BAALC: variants seen among roughly 807,000 people sequenced by gnomAD.
BAALC encodes the protein BAALC binder of MAP3K1 and KLF4, also known as brain and acute leukemia cytoplasmic protein.
In BAALC, 9 loss-of-function variants were observed where a neutral mutation model predicts 15.5. That is an observed-to-expected ratio of 0.58 (90% CI 0.35 to 1.02). The LOEUF (loss-of-function observed/expected upper bound fraction) is 1.02, where lower values mean the gene tolerates loss of function less well. Ranked by LOEUF, BAALC falls within the 50% of genes least tolerant of loss-of-function variation. The pLI, the probability that BAALC is intolerant of heterozygous loss-of-function variation, is 0.02. For synonymous variants in BAALC, 80 were observed against 74.6 expected (o/e 1.07, Z -0.37); for missense variants, 201 against 192.4 (o/e 1.04, Z -0.27).
chr8:103,174,686 A>G (rs1417248255), intron 1 of BAALC, among the ~76,000 whole-genome samples: 2 of 152,210 alleles, frequency 1.3e-5, no homozygotes, highest in East Asian at 3.8e-4. Context: ...GCCATGCTTC[A>G]TGGTTCGATA....
At chr8:103,193,227 A>G (rs1043942137) in intron 1 of BAALC, among the ~76,000 whole-genome samples, 1 of 152,256 alleles carries the variant, frequency 6.6e-6, no homozygotes, top group Non-Finnish European at 1.5e-5. Context: ...ATATGCATGC[A>G]GTAAACAGAC....
intron 1 of BAALC, among the ~76,000 whole-genome samples, chr8:103,146,291 A>G (rs572212581): frequency 6.6e-6 from 1 of 152,300 alleles, no homozygotes; most frequent in East Asian, 1.9e-4. Flanking sequence ...CTGGAGAGGA[A>G]CAGGAGTGCA....
intron 1 of BAALC, among the ~76,000 whole-genome samples, chr8:103,149,558 A>C (rs186130374): frequency 6.6e-6 from 1 of 152,310 alleles, no homozygotes; most frequent in Non-Finnish European, 1.5e-5. Flanking sequence ...ACGATGCTGT[A>C]TTTGCATCTT....
chr8:103,162,446 T>C (rs995603030), intron 1 of BAALC, among the ~76,000 whole-genome samples: 6 of 152,182 alleles, frequency 3.9e-5, no homozygotes, highest in African/African-American at 1.4e-4. Context: ...GTTGGGCATC[T>C]CTCTCGGTAC....
At chr8:103,187,912 G>T (rs923245186) in intron 1 of BAALC, among the ~76,000 whole-genome samples, 2 of 152,176 alleles carry the variant, frequency 1.3e-5, no homozygotes, top group Non-Finnish European at 2.9e-5. Context: ...TGTCCAAGGA[G>T]TGCTGAACTT....
chr8:103,144,646 C>T (rs10113728), intron 1 of BAALC, among the ~76,000 whole-genome samples: 24,793 of 152,120 alleles, frequency 0.16, 2,195 homozygotes, highest in Middle Eastern at 0.25. Flanking sequence ...CCAAAAATTG[C>T]ATCCTTAAGC....
At chr8:103,175,192 G>A (rs1410276375) in intron 1 of BAALC, among the ~76,000 whole-genome samples, 1 of 152,148 alleles carries the variant, frequency 6.6e-6, no homozygotes, top group African/African-American at 2.4e-5. Context: ...AAGCACCAGA[G>A]ACCTCATCTC....
chr8:103,211,695 G>A (rs1336854143), intron 1 of BAALC, among the ~76,000 whole-genome samples: 1 of 152,188 alleles, frequency 6.6e-6, no homozygotes, highest in Non-Finnish European at 1.5e-5. Context: ...GCCACTTGGA[G>A]AGCAGGGATG....
Position 103,180,746 on chromosome 8 carries a change from G to A in BAALC, c.161-32173G>A, listed in dbSNP as rs1193756506. ...GCCTTCCTTGGGGAAACCCTTTCAGGCAAGGAGGAGAACAAGTTGAGATGT... is the reference window on the plus strand; with the variant it reads ...GCCTTCCTTGGGGAAACCCTTTCAGACAAGGAGGAGAACAAGTTGAGATGT... On this transcript the variant is annotated intron_variant, in intron 1 of 2. Transcript: ENST00000309982. Among the ~76,000 whole-genome samples the A allele has an allele frequency of 4.6e-5, 7 of 152,180 alleles. No individual in the cohort carries two copies. In the East Asian group the frequency reaches 1.4e-3, roughly 29 times the overall value.
intron 2 of BAALC, among the ~76,000 whole-genome samples, chr8:103,215,892 C>A (rs972194467): frequency 6.6e-6 from 1 of 152,240 alleles, no homozygotes; most frequent in African/African-American, 2.4e-5. Context: ...TAAGGTGGCA[C>A]ATCCATGTAA....
At chr8:103,168,438 G>A (rs1811397838) in intron 1 of BAALC, among the ~76,000 whole-genome samples, 1 of 151,734 alleles carries the variant, frequency 6.6e-6, no homozygotes, top group Non-Finnish European at 1.5e-5. Flanking sequence ...ACTTTTCGCA[G>A]CTAAACCAGA....
intron 1 of BAALC, among the ~76,000 whole-genome samples, chr8:103,142,135 T>C (rs943649846): frequency 6.6e-6 from 1 of 152,262 alleles, no homozygotes; most frequent in Non-Finnish European, 1.5e-5. Context: ...ATTTGAAGCA[T>C]AATGTATAAC....
intron 1 of BAALC, among the ~76,000 whole-genome samples, chr8:103,186,978 C>A (rs1811852730): frequency 6.6e-6 from 1 of 152,198 alleles, no homozygotes; most frequent in African/African-American, 2.4e-5. Context: ...CTCTCAGGAC[C>A]TTAGCCCTTT....
intron 2 of BAALC, among the ~76,000 whole-genome samples, chr8:103,220,947 A>T (rs1157071397): frequency 1.3e-5 from 2 of 152,242 alleles, no homozygotes; most frequent in African/African-American, 4.8e-5. Flanking sequence ...ATCCCATGTT[A>T]GGTACAGATA....
At chr8:103,148,104 G>A (rs1810913890) in intron 1 of BAALC, among the ~76,000 whole-genome samples, 1 of 152,180 alleles carries the variant, frequency 6.6e-6, no homozygotes, top group African/African-American at 2.4e-5. Context: ...ACCTTATTTG[G>A]AAAGAGAATC....
intron 2 of BAALC, among the ~76,000 whole-genome samples, chr8:103,225,306 A>C (rs1260145796): frequency 6.6e-6 from 1 of 152,222 alleles, no homozygotes; most frequent in African/African-American, 2.4e-5. Context: ...AGAGGAAAGC[A>C]ATGACATCCT....
intron 1 of BAALC, among the ~76,000 whole-genome samples, chr8:103,158,581 A>G (rs1811152234): frequency 6.6e-6 from 1 of 152,190 alleles, no homozygotes; most frequent in Non-Finnish European, 1.5e-5. Context: ...GCACCATGAT[A>G]CCTGGACAAT....
At chr8:103,150,691 G>A (rs7836191) in intron 1 of BAALC, among the ~76,000 whole-genome samples, 35,611 of 152,166 alleles carry the variant, frequency 0.23, 4,281 homozygotes, top group East Asian at 0.42. Context: ...GATGTTGTGA[G>A]TCTTGGTCTT....
rs149563372 is a variant in BAALC at position 103,189,850 on chromosome 8, G to A, written c.161-23069G>A. ...CAGTGGTGCAATACGGTGTGAGGGA[G>A]AAAGACATGCTGAGGGAAGATCCGT... On this transcript the variant is annotated intron_variant, in intron 1 of 2. Transcript: ENST00000309982. Among the ~76,000 whole-genome samples the A allele has an allele frequency of 2.0e-5, 3 of 152,318 alleles. No homozygotes were observed. The South Asian group carries it at 6.2e-4, about 32-fold the overall frequency.
Sources: allele counts gnomAD v4.1 joint callset (sites outside exome capture counted in the v4.1 genomes callset), GRCh38; gene constraint gnomAD v4.1.1; transcripts MANE v1.5; gene names NCBI Gene and HGNC (gene_info 2026-07-23, HGNC 2026-07-21).